Variants in ARHGEF11 observed in about 807,000 individuals in gnomAD.
ARHGEF11 encodes Rho guanine exchange factor (GEF) 11.
ARHGEF11 carries 55 observed loss-of-function variants against 193.7 expected under a neutral mutation model. The observed-to-expected ratio is 0.28, with a 90% CI of 0.23 to 0.36. ARHGEF11 has a LOEUF of 0.36. Among genes scored for constraint, ARHGEF11 ranks in the 10% least tolerant of loss-of-function variants. The pLI is 1.00. For missense variants in ARHGEF11, 1,723 were observed against 2,005.6 expected, an observed-to-expected ratio of 0.86 and a Z score of 2.69; for synonymous variants, 693 against 768.0, an observed-to-expected ratio of 0.90 and a Z score of 1.62.
intron 1 of ARHGEF11, among the ~76,000 whole-genome samples, chr1:156,997,418 G>A (rs1237991570): frequency 6.6e-6 from 1 of 152,202 alleles, no homozygotes; most frequent in Non-Finnish European, 1.5e-5. Context: ...TCTCGAAGAA[G>A]TAATAGGATC....
At chr1:156,937,530 C>CA in intron 38 of ARHGEF11, 34 bp from the exon 39 acceptor site, 1 of 1,503,118 alleles carries the variant, frequency 6.7e-7, no homozygotes, top group Non-Finnish European at 8.9e-7. Context: ...GATCAGGAGG[C>CA]AAACAGAGAA....
At chr1:156,938,850 G>A (rs1656121437) in intron 37 of ARHGEF11, 1 of 304,876 alleles carries the variant, frequency 3.3e-6, no homozygotes, top group Non-Finnish European at 6.0e-6. Context: ...TCCCATGTGT[G>A]CCCCAGGCTT....
At chr1:156,954,748 C>G (rs1329489124) in intron 21 of ARHGEF11, 144 bp downstream of exon 21, 8 of 776,240 alleles carry the variant, frequency 1.0e-5, no homozygotes, top group Admixed American at 1.0e-4. Flanking sequence ...ATGAGCAACG[C>G]ATAAGAGAAA....
At chr1:157,000,006 C>T (rs1391615057) in intron 1 of ARHGEF11, among the ~76,000 whole-genome samples, 1 of 152,252 alleles carries the variant, frequency 6.6e-6, no homozygotes, top group Non-Finnish European at 1.5e-5. Context: ...CTCTATCACA[C>T]AGGCTGGAGT....
intron 29 of ARHGEF11, chr1:156,945,758 T>C: frequency 2.8e-6 from 1 of 357,814 alleles, no homozygotes; most frequent in Non-Finnish European, 5.2e-6. Context: ...CAGGTGCCCT[T>C]GAGTGCCAGC....
Position 156,961,740 on chromosome 1 carries a change from T to C in ARHGEF11, c.1176A>G (p.Ala392=). 3.1e-6 allele frequency: 5 copies of C among 1,614,218 alleles called. No individual in the cohort carries two copies. Among genetic ancestry groups the C allele is most frequent in the Non-Finnish European group, 2.5e-6 (3 of 1,180,036 alleles). Residue 392 remains alanine (A), a synonymous_variant, in exon 14 of 41, where the codon GCA becomes GCG. Transcript: ENST00000368194. ...CCAAGCTTCGGGAATCCTTGGGGCT[T>C]GCCTGCTGATAAACTTCTGCACACA... The part of the protein sequence containing the change: ...FYLCAEVYQQ[A]SPKDSRSLGK...
At chr1:156,960,997 A>G (rs1367429121) in intron 14 of ARHGEF11, among the ~76,000 whole-genome samples, 1 of 152,238 alleles carries the variant, frequency 6.6e-6, no homozygotes, top group Non-Finnish European at 1.5e-5. Context: ...GACCCATTTA[A>G]GAGGGCAAAT....
In ARHGEF11 at chr1:156,936,007, C is replaced by T; in HGVS notation, c.4682G>A (p.Gly1561Glu). 6.2e-7 allele frequency: 1 copy of T among 1,613,324 alleles called. No individual in the cohort carries two copies. Among genetic ancestry groups the T allele is most frequent in the Non-Finnish European group, 8.5e-7 (1 of 1,179,668 alleles). ...ATTTGGTGGTTTGTACGGTTATGGT[C>T]CTGGTGACGCGGCTGCGTCTGCTGT... ...DSTADAAASPGP is the reference protein window; with the variant it reads ...DSTADAAASPEP The change falls in exon 41 of 41, where the codon GGA becomes GAA. Residue 1561 changes from glycine (G) to glutamate (E), a missense_variant. Transcript: ENST00000368194.
intron 13 of ARHGEF11, among the ~76,000 whole-genome samples, chr1:156,962,664 G>A (rs1227405490): frequency 6.6e-6 from 1 of 151,838 alleles, no homozygotes; most frequent in Non-Finnish European, 1.5e-5. Flanking sequence ...GGATCATGAG[G>A]TCAGGAGATC....
At chr1:157,008,233 T>G (rs74116951) in intron 1 of ARHGEF11, among the ~76,000 whole-genome samples, 3,675 of 152,230 alleles carry the variant, frequency 0.024, 141 homozygotes, top group African/African-American at 0.084. Flanking sequence ...TGTTATGGAC[T>G]GAATGTTTGT....
intron 31 of ARHGEF11, 100 bp downstream of exon 31, chr1:156,944,258 A>G: frequency 3.4e-6 from 5 of 1,462,448 alleles, no homozygotes; most frequent in Non-Finnish European, 4.7e-6. Context: ...GTCCTGAGCT[A>G]TCACCTCCAG....
At chr1:157,003,736 C>T (rs779661732) in intron 1 of ARHGEF11, among the ~76,000 whole-genome samples, 7 of 152,186 alleles carry the variant, frequency 4.6e-5, no homozygotes, top group South Asian at 2.1e-4. Context: ...ACTATTTATA[C>T]GTCTGCTGGC....
chr1:156,996,308 T>C (rs1461694141), intron 1 of ARHGEF11, among the ~76,000 whole-genome samples: 1 of 151,988 alleles, frequency 6.6e-6, no homozygotes, highest in Non-Finnish European at 1.5e-5. Flanking sequence ...CAAACTAGAT[T>C]TGGGGAGGGG....
chr1:157,046,610 G>A (rs1489107405), upstream of ARHGEF11, among the ~76,000 whole-genome samples: 1 of 137,274 alleles, frequency 7.3e-6, no homozygotes, highest in Non-Finnish European at 1.7e-5. Flanking sequence ...GTTGGGTTGG[G>A]CATCTTAATA....
At chr1:157,031,869 C>A (rs7550260) in intron 1 of ARHGEF11, among the ~76,000 whole-genome samples, 27,160 of 152,112 alleles carry the variant, frequency 0.18, 2,998 homozygotes, top group East Asian at 0.43. Flanking sequence ...AGTGCAGTAA[C>A]CACGTGTTAA....
intron 7 of ARHGEF11, among the ~76,000 whole-genome samples, chr1:156,976,441 G>A (rs958421280): frequency 4.6e-5 from 7 of 152,076 alleles, no homozygotes; most frequent in Non-Finnish European, 1.0e-4. Flanking sequence ...GTTGAGGGGA[G>A]GAACCATCTA....
Position 156,979,303 on chromosome 1 carries a change from C to T in ARHGEF11, c.274-17G>A, listed in dbSNP as rs1352253464. On this transcript the variant is annotated splice_polypyrimidine_tract_variant and intron_variant, in intron 4 of 40. Transcript: ENST00000368194. Reference sequence around the variant, plus strand: ...GCCGTTGACCTGTTGGAGGGACAAACAGTATTGAGTAATGGTAATGAACAG... The same window carrying T: ...GCCGTTGACCTGTTGGAGGGACAAATAGTATTGAGTAATGGTAATGAACAG... 2 of 1,604,494 alleles carry T rather than the reference C, an allele frequency of 1.2e-6. No individual in the cohort carries two copies. Among genetic ancestry groups the T allele is most frequent in the South Asian group, 1.1e-5 (1 of 90,842 alleles).
chr1:156,951,633 T>C lies in ARHGEF11; in HGVS notation c.1865A>G (p.Glu622Gly). 6.2e-7 allele frequency: 1 copy of C among 1,614,194 alleles called. No individual in the cohort carries two copies. ...FENNQQYDAP[E>G]PGTQRLSTGS... The stretch of plus-strand genomic sequence containing the variant: ...GGTCGAGAGTCGTTGTGTCCCAGGT[T>C]CTGGGGCATCATACTGCTGGTTGTT... Residue 622 changes from glutamate to glycine, a missense_variant, in exon 22 of 41, where the codon GAA becomes GGA. Glu to Gly is a moderately conservative substitution (Grantham distance 98). Coordinates refer to ENST00000368194, the MANE Select transcript of ARHGEF11 (RefSeq NM_198236.3).
intron 2 of ARHGEF11, 92 bp downstream of exon 2, chr1:156,985,990 C>T (rs576478878): frequency 2.6e-5 from 27 of 1,050,094 alleles, no homozygotes; most frequent in Admixed American, 5.3e-5. Context: ...TCGGCTCAAG[C>T]GATCCTCCCA....
Sources: allele counts gnomAD v4.1 joint callset (sites outside exome capture counted in the v4.1 genomes callset), GRCh38; gene constraint gnomAD v4.1.1; transcripts MANE v1.5; gene names NCBI Gene and HGNC (gene_info 2026-07-23, HGNC 2026-07-21).